MOCS1: variants seen among roughly 807,000 people sequenced by gnomAD.
MOCS1 encodes molybdenum cofactor biosynthesis protein 1.
MOCS1 carries 39 observed loss-of-function variants against 57.6 expected under a neutral mutation model. That is an observed-to-expected ratio of 0.68 (90% confidence interval 0.52 to 0.88). MOCS1 has a LOEUF of 0.88. Ranked by LOEUF, MOCS1 falls within the 40% of genes least tolerant of loss-of-function variation. MOCS1 has a pLI of 0.00. For synonymous variants in MOCS1, 334 were observed against 335.7 expected, an observed-to-expected ratio of 1.00 and a Z score of 0.05; for missense variants, 795 against 831.1, an observed-to-expected ratio of 0.96 and a Z score of 0.53.
chr6:39,924,472 AAC>A (rs946730099), intron 3 of MOCS1, among the ~76,000 whole-genome samples: 15 of 152,222 alleles, frequency 9.9e-5, no homozygotes, highest in African/African-American at 3.6e-4. Context: ...ACACAACCCA[AAC>A]ACACAGTGCC....
intron 10 of MOCS1, among the ~76,000 whole-genome samples, chr6:39,907,963 C>T (rs1048716755): frequency 7.2e-5 from 11 of 152,260 alleles, no homozygotes; most frequent in African/African-American, 1.9e-4. Context: ...CTTCCCACTT[C>T]GCATCATACT....
intron 1 of MOCS1, among the ~76,000 whole-genome samples, chr6:39,932,684 C>G (rs1484957276): frequency 6.6e-6 from 1 of 152,216 alleles, no homozygotes; most frequent in Non-Finnish European, 1.5e-5. Context: ...AGCTATCCAA[C>G]AAGTCCAGAT....
chr6:39,931,381 T>C (rs1000866524), intron 1 of MOCS1, among the ~76,000 whole-genome samples: 3 of 122,996 alleles, frequency 2.4e-5, no homozygotes, highest in Non-Finnish European at 4.9e-5. Flanking sequence ...AAAAAGCACA[T>C]TCCAAATCTA....
intron 1 of MOCS1, 73 bp downstream of exon 1, chr6:39,934,222 C>G: frequency 6.9e-7 from 1 of 1,458,692 alleles, no homozygotes. Context: ...CCGGGAGCTA[C>G]TGGGGGAAAA....
chr6:39,921,717 A>T (rs1767982405), intron 3 of MOCS1, among the ~76,000 whole-genome samples: 2 of 152,158 alleles, frequency 1.3e-5, no homozygotes, highest in African/African-American at 4.8e-5. Flanking sequence ...GGGAGCGAGG[A>T]ATGGAAGGAA....
In MOCS1 at chr6:39,906,625, C is replaced by A. The variant is rs761108020; in HGVS notation, c.1643G>T (p.Ser548Ile). The change falls in exon 11 of 11, where the codon AGC (serine) becomes ATC (isoleucine). Residue 548 changes from serine (S) to isoleucine (I), a missense_variant. Ser to Ile is a moderately radical substitution (Grantham distance 142). This residue lies in a region of MOCS1 where 374 missense variants were observed against 422.6 expected (regional missense o/e 0.89). Coordinates refer to ENST00000340692, the MANE Select transcript of MOCS1 (RefSeq NM_001358530.2). ...LAGVQAAKVT[S>I]QLIPLCHHVA... ...GTGGTGGCACAGAGGGATCAGCTGG[C>A]TGGTCACCTTGGCTGCCTGGACTCC... 6.2e-7 allele frequency: 1 copy of A among 1,613,924 alleles called. No homozygotes were observed. The highest frequency in any genetic ancestry group is 1.1e-5 in the South Asian group (1 of 91,088).
intron 4 of MOCS1, among the ~76,000 whole-genome samples, chr6:39,914,811 G>A (rs147674014): frequency 9.3e-4 from 141 of 152,310 alleles, no homozygotes; most frequent in African/African-American, 3.3e-3. Flanking sequence ...GGCAGGTGGT[G>A]GACAAAAGAG....
chr6:39,928,256 C>G (rs1244725355), intron 1 of MOCS1, among the ~76,000 whole-genome samples: 1 of 151,872 alleles, frequency 6.6e-6, no homozygotes. Flanking sequence ...ACTCCACCTC[C>G]CAGATTCATG....
chr6:39,910,018 G>C (rs1403422554), intron 8 of MOCS1, 63 bp from the exon 9 acceptor site: 82 of 1,604,296 alleles, frequency 5.1e-5, no homozygotes, highest in Non-Finnish European at 6.5e-5. Flanking sequence ...TGGCCTCTGA[G>C]GAGCTAACTC....
At chr6:39,928,369 T>C (rs1418961287) in intron 1 of MOCS1, among the ~76,000 whole-genome samples, 1 of 152,156 alleles carries the variant, frequency 6.6e-6, no homozygotes, top group East Asian at 1.9e-4. Context: ...TTTCGCTGTG[T>C]TAGCCAGGAT....
chr6:39,906,875 C>T lies in MOCS1; in HGVS notation c.1393G>A (p.Gly465Ser). 1 of 1,614,190 alleles carries T rather than the reference C, an allele frequency of 6.2e-7. No individual in the cohort carries two copies. The highest frequency in any genetic ancestry group is 8.5e-7 in the Non-Finnish European group (1 of 1,180,048). ...GAGGGGGCAGCAGAAGCCCAGGAAC[C>T]TGGGCTAAGGCACTTTGAGTTGGCA... ...SDANSKCLSPGSWASAAPSGP... is the reference protein window; with the variant it reads ...SDANSKCLSPSSWASAAPSGP... The change falls in exon 11 of 11, where the codon GGT becomes AGT. Residue 465 changes from glycine to serine, a missense_variant. Gly to Ser is a moderately conservative substitution (Grantham distance 56). This residue lies in a region of MOCS1 where 374 missense variants were observed against 422.6 expected (regional missense o/e 0.89). Coordinates refer to ENST00000340692, the MANE Select transcript of MOCS1 (RefSeq NM_001358530.2).
Position 39,913,365 on chromosome 6 carries a change from C to T in MOCS1, c.709G>A (p.Glu237Lys), listed in dbSNP as rs747840910. The change falls in exon 6 of 11, where the codon GAG becomes AAG. Residue 237 changes from glutamate to lysine, a missense_variant. Physicochemically the swap from Glu to Lys is moderately conservative, Grantham distance 56 (BLOSUM62 1). This residue lies in a region of MOCS1 where 416 missense variants were observed against 392.4 expected (regional missense o/e 1.06). Transcript: ENST00000340692. The stretch of plus-strand genomic sequence containing the variant: ...AAGCGCACATCCAGGGGGAGGCCCT[C>T]AGTCAAGGCCGCAAAGTCCAGGAGT... ...DELLDFAALT[E>K]GLPLDVRFIE... The T allele has an allele frequency of 6.2e-7, 1 of 1,614,116 alleles. No individual in the cohort carries two copies. Among genetic ancestry groups the T allele is most frequent in the Non-Finnish European group, 8.5e-7 (1 of 1,180,044 alleles).
chr6:39,919,716 A>G (rs1003447860), intron 3 of MOCS1, among the ~76,000 whole-genome samples: 50 of 152,328 alleles, frequency 3.3e-4, no homozygotes, highest in African/African-American at 1.2e-3. Context: ...CTTGAAACAG[A>G]TCAAGTTCAG....
Position 39,904,680 on chromosome 6 carries a change from G to A in MOCS1, c.*1677C>T. The A allele has an allele frequency of 2.2e-6, 1 of 453,426 alleles. No individual in the cohort carries two copies. Among genetic ancestry groups the A allele is most frequent in the South Asian group, 1.6e-5 (1 of 64,472 alleles). The allele number at this position is 453,426 out of a possible 1,614,324, so 28.1% of individuals were successfully genotyped here. On this transcript the variant is annotated 3_prime_UTR_variant, in exon 11 of 11. Transcript: ENST00000340692. Reference sequence around the variant, plus strand: ...CTCCCATCCCATTTCCACCAACTGGGGAACTGTGACTATCTATCTCCCCCG... The same window carrying A: ...CTCCCATCCCATTTCCACCAACTGGAGAACTGTGACTATCTATCTCCCCCG...
chr6:39,906,279 G>A lies in MOCS1; in HGVS notation c.*78C>T. On this transcript the variant is annotated 3_prime_UTR_variant, in exon 11 of 11. Coordinates refer to ENST00000340692, the MANE Select transcript of MOCS1 (RefSeq NM_001358530.2). ...AAACAAACAGTGACTGTGATTAAAG[G>A]AACCTGACGTCTTTCCCTCAGCCTA... 6.4e-7 allele frequency: 1 copy of A among 1,562,948 alleles called. No homozygotes were observed. The highest frequency in any genetic ancestry group is 2.2e-5 in the East Asian group (1 of 44,498).
At chr6:39,920,059 C>A (rs1306712489) in intron 3 of MOCS1, among the ~76,000 whole-genome samples, 3 of 151,958 alleles carry the variant, frequency 2.0e-5, no homozygotes, top group Non-Finnish European at 4.4e-5. Flanking sequence ...ATATAAAGAA[C>A]CTGTACCAAA....
intron 2 of MOCS1, chr6:39,927,096 TTA>T (rs1328295837): frequency 4.1e-5 from 22 of 536,166 alleles, no homozygotes; most frequent in Non-Finnish European, 6.4e-5. Flanking sequence ...CCAACTGCAT[TTA>T]TGTTTTCAAA....
chr6:39,924,957 G>A (rs1768192025), intron 3 of MOCS1, among the ~76,000 whole-genome samples: 1 of 152,128 alleles, frequency 6.6e-6, no homozygotes, highest in African/African-American at 2.4e-5. Context: ...GTGTGTGCCT[G>A]TAAGCCCAGC....
At position 39,927,459 on chromosome 6, in the gene MOCS1, C is replaced by G. The variant is rs781034678; in HGVS notation, c.124-4G>C. 8 of 1,610,144 alleles carry G rather than the reference C, an allele frequency of 5.0e-6. No individual in the cohort carries two copies. Among genetic ancestry groups the G allele is most frequent in the Non-Finnish European group, 6.8e-6 (8 of 1,178,532 alleles). On this transcript the variant is annotated splice_polypyrimidine_tract_variant and splice_region_variant and intron_variant, in intron 1 of 10. Transcript: ENST00000340692. Reference sequence around the variant, plus strand: ...ACTGCCTCCGCCTGGACACCTCCTGCGAGGACAGACCAGGGAGGAAGCATG... The same window carrying G: ...ACTGCCTCCGCCTGGACACCTCCTGGGAGGACAGACCAGGGAGGAAGCATG...
Sources: gnomAD v4.1 joint callset for allele counts (sites outside exome capture counted in the v4.1 genomes callset) on GRCh38, gnomAD v4.1.1 for gene constraint, gnomAD v4.1.1 regional missense constraint, MANE v1.5 for transcripts, NCBI Gene and HGNC (gene_info 2026-07-23, HGNC 2026-07-21) for gene names.